WWOX: variants seen among roughly 807,000 people sequenced by gnomAD.
The protein encoded by WWOX is WW domain-containing oxidoreductase.
A neutral mutation model predicts 46.2 loss-of-function variants in WWOX; 69 were observed. That is an observed-to-expected ratio of 1.49 (90% CI 1.23 to 1.82). The LOEUF (loss-of-function observed/expected upper bound fraction) is 1.82, where lower values mean the gene tolerates loss of function less well. Among genes scored for constraint, WWOX ranks in the 40% most tolerant of loss-of-function variants. WWOX has a pLI of 0.00. For missense variants in WWOX, 919 were observed against 542.6 expected, an observed-to-expected ratio of 1.69 and a Z score of -6.89; for synonymous variants, 359 against 202.6, an observed-to-expected ratio of 1.77 and a Z score of -6.56.
At chr16:78,788,659 A>G (rs1283450153) in intron 8 of WWOX, among the ~76,000 whole-genome samples, 1 of 152,192 alleles carries the variant, frequency 6.6e-6, no homozygotes, top group Non-Finnish European at 1.5e-5. Flanking sequence ...GTCCTTTATA[A>G]TAAAGCAGTA....
At chr16:78,734,119 C>G (rs533975401) in intron 8 of WWOX, among the ~76,000 whole-genome samples, 1 of 151,886 alleles carries the variant, frequency 6.6e-6, no homozygotes, top group African/African-American at 2.4e-5. Flanking sequence ...TTCATACACA[C>G]ACGTAAAATG....
chr16:78,105,467 A>AAG (rs1327836824), intron 1 of WWOX, among the ~76,000 whole-genome samples: 1 of 151,980 alleles, frequency 6.6e-6, no homozygotes, highest in East Asian at 1.9e-4. Context: ...TCAAAAAAAA[A>AAG]AAAAAGAATG....
chr16:78,688,385 G>A (rs967510613), intron 8 of WWOX, among the ~76,000 whole-genome samples: 1 of 137,714 alleles, frequency 7.3e-6, no homozygotes, highest in Non-Finnish European at 1.6e-5. Context: ...AAAAAAAAAA[G>A]ATCCTGACAA....
intron 8 of WWOX, among the ~76,000 whole-genome samples, chr16:78,771,373 A>T (rs866752779): frequency 2.0e-5 from 3 of 152,194 alleles, no homozygotes; most frequent in African/African-American, 7.2e-5. Context: ...TATATGTTCA[A>T]AGGTGGTTAT....
chr16:79,001,605 C>T (rs1432359434), intron 8 of WWOX, among the ~76,000 whole-genome samples: 1 of 150,250 alleles, frequency 6.7e-6, no homozygotes, highest in Non-Finnish European at 1.5e-5. Flanking sequence ...AAGGTGCATG[C>T]AATAAATCAC....
intron 8 of WWOX, among the ~76,000 whole-genome samples, chr16:78,438,387 G>A (rs1344183592): frequency 6.6e-6 from 1 of 152,000 alleles, no homozygotes; most frequent in African/African-American, 2.4e-5. Context: ...TAGTTATGCA[G>A]TTATGCTTCC....
chr16:78,648,580 C>G (rs1043217211), intron 8 of WWOX, among the ~76,000 whole-genome samples: 4 of 152,124 alleles, frequency 2.6e-5, no homozygotes, highest in African/African-American at 4.8e-5. Context: ...CCCATTTTTG[C>G]TAAATTTTGT....
At chr16:78,319,801 C>A (rs934747319) in intron 5 of WWOX, among the ~76,000 whole-genome samples, 8 of 152,178 alleles carry the variant, frequency 5.3e-5, no homozygotes, top group Non-Finnish European at 8.8e-5. Context: ...TTGCCACCCT[C>A]CGCCCTTAGC....
At chr16:78,638,595 C>T (rs959640435) in intron 8 of WWOX, among the ~76,000 whole-genome samples, 5 of 152,280 alleles carry the variant, frequency 3.3e-5, no homozygotes, top group African/African-American at 1.2e-4. Context: ...ATAGCAGTGC[C>T]ACTTGACACC....
At chr16:78,663,765 G>C (rs2047268878) in intron 8 of WWOX, among the ~76,000 whole-genome samples, 1 of 152,128 alleles carries the variant, frequency 6.6e-6, no homozygotes, top group African/African-American at 2.4e-5. Flanking sequence ...GGTGACATTT[G>C]AACTACACCC....
At chr16:78,902,616 C>G (rs1436095763) in intron 8 of WWOX, among the ~76,000 whole-genome samples, 1 of 152,218 alleles carries the variant, frequency 6.6e-6, no homozygotes, top group Non-Finnish European at 1.5e-5. Flanking sequence ...CTCTTCTGCT[C>G]TCTTTGGCTG....
chr16:78,566,191 G>A (rs116815954), intron 8 of WWOX, among the ~76,000 whole-genome samples: 3,076 of 152,068 alleles, frequency 0.02, 68 homozygotes, highest in African/African-American at 0.051. Flanking sequence ...ATCGTACCCC[G>A]TCCCCCATGA....
At chr16:78,679,527 G>A (rs534093210) in intron 8 of WWOX, among the ~76,000 whole-genome samples, 1 of 152,100 alleles carries the variant, frequency 6.6e-6, no homozygotes, top group South Asian at 2.1e-4. Flanking sequence ...CTCCAGCCTG[G>A]GTGACAGAGT....
intron 8 of WWOX, among the ~76,000 whole-genome samples, chr16:78,717,437 GC>G (rs1362533102): frequency 6.6e-6 from 1 of 152,116 alleles, no homozygotes; most frequent in East Asian, 1.9e-4. Flanking sequence ...CATTGCTATG[GC>G]TTTAGCACCT....
At chr16:78,261,772 GTATCTATCTATCTATCTATATATATAT>G (rs534611826) in intron 5 of WWOX, among the ~76,000 whole-genome samples, 45,112 of 130,016 alleles carry the variant, frequency 0.35, 7,662 homozygotes, top group East Asian at 0.49. Context: ...ATCTATCTAT[GTATCTATCTATCTATCTATATATATAT>G]ATATATATAT....
intron 8 of WWOX, among the ~76,000 whole-genome samples, chr16:78,975,211 C>G (rs1005745272): frequency 3.9e-5 from 6 of 152,216 alleles, no homozygotes; most frequent in African/African-American, 1.2e-4. Context: ...TTAGCCTCAT[C>G]TGGTTCAAGG....
At chr16:78,756,968 A>C (rs554271071) in intron 8 of WWOX, 1 of 702,980 alleles carries the variant, frequency 1.4e-6, no homozygotes, top group Non-Finnish European at 2.6e-6. Context: ...TTGGGAGGAT[A>C]CTCAAGCATA....
chr16:79,076,531 A>C (rs890723108), intron 8 of WWOX, among the ~76,000 whole-genome samples: 5 of 152,162 alleles, frequency 3.3e-5, no homozygotes, highest in Non-Finnish European at 7.3e-5. Context: ...CCGCTGTCCT[A>C]GAACCATCTA....
At chr16:78,793,423 A>C (rs554436419) in intron 8 of WWOX, among the ~76,000 whole-genome samples, 44 of 152,166 alleles carry the variant, frequency 2.9e-4, no homozygotes, top group African/African-American at 1.0e-3. Context: ...GCTGCTCTCC[A>C]CTCAAGAATA....
Sources: gnomAD v4.1 joint callset for allele counts (sites outside exome capture counted in the v4.1 genomes callset) on GRCh38, gnomAD v4.1.1 for gene constraint, MANE v1.5 for transcripts, NCBI Gene and HGNC (gene_info 2026-07-23, HGNC 2026-07-21) for gene names.